NRG3: variants seen among roughly 807,000 people sequenced by gnomAD.
The protein encoded by NRG3 is neuregulin 3.
Under a neutral mutation model 66.9 loss-of-function variants are expected in NRG3, and 31 were observed. The observed-to-expected ratio is 0.46, with a 90% CI of 0.35 to 0.63. NRG3 has a LOEUF of 0.63. NRG3 is among the 20% of genes least tolerant of loss of function. NRG3 has a pLI of 0.00. For synonymous variants in NRG3, 393 were observed against 359.4 expected (o/e 1.09, Z -1.06); for missense variants, 910 against 878.9 (o/e 1.04, Z -0.45).
chr10:82,457,205 A>G (rs986608388), intron 2 of NRG3, among the ~76,000 whole-genome samples: 3 of 152,120 alleles, frequency 2.0e-5, no homozygotes, highest in Admixed American at 2.0e-4. Context: ...TGTTAGACCA[A>G]TGATGCCCAA....
intron 1 of NRG3, among the ~76,000 whole-genome samples, chr10:82,321,921 A>G (rs1167905471): frequency 3.3e-5 from 5 of 152,232 alleles, no homozygotes; most frequent in African/African-American, 1.2e-4. Context: ...CTCCTGGGGC[A>G]TCAAAGTGCT....
intron 2 of NRG3, among the ~76,000 whole-genome samples, chr10:82,586,910 ATTTTTTCATGCTAAAAAATCATG>A (rs1335595511): frequency 1.3e-5 from 2 of 152,000 alleles, no homozygotes; most frequent in African/African-American, 4.8e-5. Context: ...TGATCTGTTG[ATTTTTTCATGCTAAAAAATCATG>A]TTTTTTCATG....
At chr10:82,125,347 C>T (rs1307405830) in intron 1 of NRG3, among the ~76,000 whole-genome samples, 1 of 151,994 alleles carries the variant, frequency 6.6e-6, no homozygotes, top group Non-Finnish European at 1.5e-5. Context: ...CCAAACTCTG[C>T]TCTTTGTTAT....
intron 1 of NRG3, among the ~76,000 whole-genome samples, chr10:82,304,727 C>G (rs1456599941): frequency 2.6e-5 from 4 of 152,110 alleles, no homozygotes. Context: ...ATGAAATTCC[C>G]TACCATCTTT....
In NRG3 at chr10:81,875,764, G is replaced by A; in HGVS notation, c.424G>A (p.Ala142Thr). The A allele has an allele frequency of 2.5e-6, 4 of 1,611,586 alleles. No individual in the cohort carries two copies. The highest frequency in any genetic ancestry group is 3.4e-6 in the Non-Finnish European group (4 of 1,179,564). Residue 142 changes from alanine (A) to threonine (T), a missense_variant, in exon 1 of 9, where the codon GCC becomes ACC. Transcript: ENST00000372141. The surrounding 1 kb of genome is among the most constrained non-coding windows in gnomAD (Gnocchi z 5.3). Reference sequence around the variant, plus strand: ...CACCACGTCCCCCGCCACCCCCTCCGCCGGGGGTGCCGCCTCCTCCAGGAC... The same window carrying A: ...CACCACGTCCCCCGCCACCCCCTCCACCGGGGGTGCCGCCTCCTCCAGGAC... ...TSTTSPATPS[A>T]GGAASSRTPN...
intron 2 of NRG3, among the ~76,000 whole-genome samples, chr10:82,566,419 G>A (rs530805347): frequency 1.3e-5 from 2 of 151,964 alleles, no homozygotes; most frequent in East Asian, 3.9e-4. Flanking sequence ...TTAGGTGTTG[G>A]ACCACCTGAG....
chr10:81,877,896 G>A, intron 1 of NRG3: 1 of 1,534,840 alleles, frequency 6.5e-7, no homozygotes, highest in Non-Finnish European at 8.7e-7. Context: ...TCAATGGATT[G>A]AAAATGAGTC....
Position 81,911,603 on chromosome 10 carries a change from G to GGTTTTTTTT in NRG3, c.823+35440_823+35441insGTTTTTTTT, listed in dbSNP as rs1306854861. ...TGTCTTCACCCTCTAGCACAGACTT[G>GGTTTTTTTT]TTTTTTTTTTTTTTTTTTTTTTTTT... On this transcript the variant is annotated intron_variant, in intron 1 of 8. Coordinates refer to ENST00000372141, the MANE Select transcript of NRG3 (RefSeq NM_001010848.4). Among the ~76,000 whole-genome samples the GGTTTTTTTT allele has an allele frequency of 2.6e-5, 2 of 77,944 alleles. 1 individual carries two copies. Among genetic ancestry groups the GGTTTTTTTT allele is most frequent in the African/African-American group, 9.1e-5 (2 of 21,960 alleles). The allele number at this position is 77,944 out of a possible 152,430, so 51.1% of individuals were successfully genotyped here.
chr10:82,691,132 A>G (rs1333208671), intron 2 of NRG3, among the ~76,000 whole-genome samples: 2 of 152,158 alleles, frequency 1.3e-5, no homozygotes, highest in Admixed American at 6.6e-5. Flanking sequence ...CTCAACCTTA[A>G]GAAAAACAGC....
intron 1 of NRG3, among the ~76,000 whole-genome samples, chr10:82,084,462 CTG>C (rs2065598187): frequency 6.7e-6 from 1 of 149,690 alleles, no homozygotes; most frequent in Non-Finnish European, 1.5e-5. Flanking sequence ...TACTTTGAGA[CTG>C]TAATTTAGCT....
chr10:82,004,220 A>G (rs2061292786), intron 1 of NRG3, among the ~76,000 whole-genome samples: 1 of 151,968 alleles, frequency 6.6e-6, no homozygotes, highest in South Asian at 2.1e-4. Context: ...AGAATTTACA[A>G]ATAGTTACAT....
At chr10:82,591,157 G>A (rs12267711) in intron 2 of NRG3, among the ~76,000 whole-genome samples, 8,599 of 152,170 alleles carry the variant, frequency 0.057, 412 homozygotes, top group African/African-American at 0.13. Context: ...CCCGGGTGAC[G>A]GGCTTCCATT....
At chr10:82,976,836 G>GC (rs769059765) in intron 7 of NRG3, among the ~76,000 whole-genome samples, 2 of 151,966 alleles carry the variant, frequency 1.3e-5, no homozygotes, top group African/African-American at 2.4e-5. Context: ...CTGCAGTGCG[G>GC]CCCCCTCCTT....
rs1002662503 is a variant in NRG3 at position 81,875,981 on chromosome 10, G to A, written c.641G>A (p.Gly214Glu). The change falls in exon 1 of 9, where the codon GGA becomes GAA. Residue 214 changes from glycine (G) to glutamate (E), a missense_variant. Physicochemically the swap from Gly to Glu is moderately conservative, Grantham distance 98 (BLOSUM62 -2). Transcript: ENST00000372141. The surrounding 1 kb of genome is among the most constrained non-coding windows in gnomAD (Gnocchi z 5.3). ...CTGGGCTCCCGACCCCCGGTGCCAGGAACTCCAAGTACCCAGGCAATGCCC... is the reference window on the plus strand; with the variant it reads ...CTGGGCTCCCGACCCCCGGTGCCAGAAACTCCAAGTACCCAGGCAATGCCC... ...STLGSRPPVP[G>E]TPSTQAMPSW... 6.2e-7 allele frequency: 1 copy of A among 1,613,896 alleles called. No homozygotes were observed. The highest frequency in any genetic ancestry group is 1.3e-5 in the African/African-American group (1 of 74,922).
At chr10:82,390,743 A>G (rs188904341) in intron 2 of NRG3, among the ~76,000 whole-genome samples, 1 of 152,308 alleles carries the variant, frequency 6.6e-6, no homozygotes, top group East Asian at 1.9e-4. Context: ...ACTTCTCTGC[A>G]GAAGAGGACT....
At chr10:81,956,064 T>C (rs1475642984) in intron 1 of NRG3, among the ~76,000 whole-genome samples, 1 of 152,220 alleles carries the variant, frequency 6.6e-6, no homozygotes, top group African/African-American at 2.4e-5. Context: ...CCACGTGCTT[T>C]TCTTACAGTG....
At chr10:82,636,927 G>A (rs552090466) in intron 2 of NRG3, among the ~76,000 whole-genome samples, 27 of 152,036 alleles carry the variant, frequency 1.8e-4, no homozygotes, top group African/African-American at 6.5e-4. Flanking sequence ...AGGAAATGGG[G>A]AGATGTAGGT....
chr10:82,669,641 G>A (rs948173963), intron 2 of NRG3, among the ~76,000 whole-genome samples: 1 of 152,098 alleles, frequency 6.6e-6, no homozygotes, highest in Non-Finnish European at 1.5e-5. Flanking sequence ...TTAAAAAGCC[G>A]CAACATGCCG....
At chr10:82,479,224 T>C in intron 2 of NRG3, among the ~76,000 whole-genome samples, 1 of 152,172 alleles carries the variant, frequency 6.6e-6, no homozygotes, top group Non-Finnish European at 1.5e-5. Flanking sequence ...TAATTGATCC[T>C]CAATTTCTTT....
Sources: allele counts gnomAD v4.1 joint callset (sites outside exome capture counted in the v4.1 genomes callset), GRCh38; gene constraint gnomAD v4.1.1; non-coding constraint Gnocchi (gnomAD v3.1); transcripts MANE v1.5; gene names NCBI Gene and HGNC (gene_info 2026-07-23, HGNC 2026-07-21).